Variants in MED23 observed in about 807,000 individuals in gnomAD.
MED23 encodes the protein mediator of RNA polymerase II transcription subunit 23.
A neutral mutation model predicts 163.9 loss-of-function variants in MED23; 105 were observed. The ratio of observed to expected loss-of-function variants is 0.64; its 90% CI spans 0.55 to 0.75. MED23 has a LOEUF of 0.75. Ranked by LOEUF, MED23 falls within the 30% of genes least tolerant of loss-of-function variation. MED23 has a pLI of 0.00. For synonymous variants in MED23, 561 were observed against 565.6 expected, an observed-to-expected ratio of 0.99 and a Z score of 0.12; for missense variants, 1,054 against 1,649.0, an observed-to-expected ratio of 0.64 and a Z score of 6.25.
At chr6:131,586,152 T>C (rs528079823), downstream of MED23, among the ~76,000 whole-genome samples, 1 of 152,244 alleles carries the variant, frequency 6.6e-6, no homozygotes, top group East Asian at 1.9e-4. Context: ...TCCCAGCACT[T>C]TGGGAGGCTG....
rs1313074610 is a variant in MED23 at position 131,619,882 on chromosome 6, T to C, written c.612A>G (p.Leu204=). The C allele has an allele frequency of 1.2e-6, 2 of 1,610,740 alleles. No homozygotes were observed. Among genetic ancestry groups the C allele is most frequent in the Non-Finnish European group, 1.7e-6 (2 of 1,177,480 alleles). The stretch of plus-strand genomic sequence containing the variant: ...TGAAGGTATCCACAAAGTCTGATAC[T>C]AGGTTTCCAAGTAACTAAAGAGAGA... The part of the protein sequence containing the change: ...GKLPHWLLGN[L]VSDFVDTFRP... The change falls in exon 8 of 29, where the codon CTA becomes CTG. Residue 204 remains leucine, a synonymous_variant. Transcript: ENST00000368068.
At chr6:131,592,169 C>G (rs1259931063) in intron 25 of MED23, among the ~76,000 whole-genome samples, 1 of 152,138 alleles carries the variant, frequency 6.6e-6, no homozygotes, top group Non-Finnish European at 1.5e-5. Context: ...ACCCGTAAGT[C>G]ACATAGATAT....
In MED23 at chr6:131,596,112, G is replaced by C; in HGVS notation, c.2830C>G (p.Pro944Ala). 6.2e-7 allele frequency: 1 copy of C among 1,614,138 alleles called. No individual in the cohort carries two copies. The highest frequency in any genetic ancestry group is 8.5e-7 in the Non-Finnish European group (1 of 1,180,010). Residue 944 changes from proline (P) to alanine (A), a missense_variant, in exon 22 of 29, where the codon CCT (proline) becomes GCT (alanine). Coordinates refer to ENST00000368068, the MANE Select transcript of MED23 (RefSeq NM_004830.4). Reference protein sequence around the residue: ...FEGLAEQVDPPVQIQSPYLPI... With the variant: ...FEGLAEQVDPAVQIQSPYLPI... ...AGATAGGGAGACTGGATCTGTACAGGAGGATCCACCTGTTCCGCGAGGCCC... is the reference window on the plus strand; with the variant it reads ...AGATAGGGAGACTGGATCTGTACAGCAGGATCCACCTGTTCCGCGAGGCCC...
Position 131,591,515 on chromosome 6 carries a change from T to A in MED23, c.3484A>T (p.Ile1162Phe), listed in dbSNP as rs1225945957. 1 of 1,612,662 alleles carries A rather than the reference T, an allele frequency of 6.2e-7. No individual in the cohort carries two copies. The highest frequency in any genetic ancestry group is 1.3e-5 in the African/African-American group (1 of 74,880). Residue 1162 changes from isoleucine to phenylalanine, a missense_variant, in exon 26 of 29, where the codon ATT becomes TTT. By Grantham distance (21) the Ile-to-Phe change is conservative. Coordinates refer to ENST00000368068, the MANE Select transcript of MED23 (RefSeq NM_004830.4). ...IITALPEPYWIVLHDRIVSVI... is the reference protein window; with the variant it reads ...IITALPEPYWFVLHDRIVSVI... Reference sequence around the variant, plus strand: ...CTCACAATTCGATCATGAAGAACAATCCAATATGGCTCCTTTAAAATCGGA... The same window carrying A: ...CTCACAATTCGATCATGAAGAACAAACCAATATGGCTCCTTTAAAATCGGA...
Position 131,596,170 on chromosome 6 carries a change from A to G in MED23, c.2779-7T>C, listed in dbSNP as rs1389737229. 10 of 1,611,270 alleles carry G rather than the reference A, an allele frequency of 6.2e-6. No homozygotes were observed. The Admixed American group carries it at 1.7e-4, about 27-fold the overall frequency. ...ACAACTTCTCTGGATATTTCTGTGGAATTGAGAAGATGATAAATGGTTAGA... is the reference window on the plus strand; with the variant it reads ...ACAACTTCTCTGGATATTTCTGTGGGATTGAGAAGATGATAAATGGTTAGA... On this transcript the variant is annotated splice_region_variant and splice_polypyrimidine_tract_variant and intron_variant, in intron 21 of 28. Coordinates refer to ENST00000368068, the MANE Select transcript of MED23 (RefSeq NM_004830.4).
intron 8 of MED23, among the ~76,000 whole-genome samples, chr6:131,618,911 A>G (rs114144463): frequency 0.011 from 1,726 of 152,366 alleles, 41 homozygotes; most frequent in African/African-American, 0.039. Flanking sequence ...AATATTTACT[A>G]CATGGCCCTT....
chr6:131,627,089 G>C lies in MED23; in HGVS notation c.159+307C>G, dbSNP rs924450464. On this transcript the variant is annotated intron_variant, in intron 3 of 28. Coordinates refer to ENST00000368068, the MANE Select transcript of MED23 (RefSeq NM_004830.4). Reference sequence around the variant, plus strand: ...TTGACAAGTAAAGCTTAACATATCTGTTTTCAAGTGTACCAAATAAATCCG... The same window carrying C: ...TTGACAAGTAAAGCTTAACATATCTCTTTTCAAGTGTACCAAATAAATCCG... 1.7e-5 allele frequency: 5 copies of C among 296,176 alleles called. No individual in the cohort carries two copies. The South Asian group carries it at 3.0e-4, about 18-fold the overall frequency. 18.3% of individuals were successfully genotyped at this position (296,176 alleles called of 1,614,324 possible). A position where few individuals can be genotyped will look rare whatever the true frequency, so the allele number is the denominator to read the frequency against.
chr6:131,599,468 C>T (rs1775307782), intron 18 of MED23, among the ~76,000 whole-genome samples: 1 of 152,194 alleles, frequency 6.6e-6, no homozygotes, highest in Non-Finnish European at 1.5e-5. Flanking sequence ...ATTACGCACA[C>T]TCTGTGAAGC....
rs757762475 is a variant in MED23, at chr6:131,581,342, A to G, written c.4095+6367T>C. On this transcript the variant is annotated intron_variant, in intron 30 of 30. Transcript: ENST00000354577. ...CCACAAGTGGAAACTTGCATGGACA[A>G]CCTGTATCTTTCCTCCTGAAGGAAC... 1.2e-6 allele frequency: 2 copies of G among 1,613,856 alleles called. No individual in the cohort carries two copies. Among genetic ancestry groups the G allele is most frequent in the Non-Finnish European group, 1.7e-6 (2 of 1,179,840 alleles).
At chr6:131,595,252 G>T (rs1774962532) in intron 22 of MED23, among the ~76,000 whole-genome samples, 1 of 152,168 alleles carries the variant, frequency 6.6e-6, no homozygotes, top group South Asian at 2.1e-4. Context: ...ATCAAGTCCT[G>T]TTCCTTCTTT....
At chr6:131,605,156 C>T (rs1263044066) in intron 14 of MED23, 84 bp downstream of exon 14, 42 of 1,413,514 alleles carry the variant, frequency 3.0e-5, no homozygotes, top group Middle Eastern at 3.5e-4. Flanking sequence ...TGAAATAATA[C>T]GCACATAAAA....
At chr6:131,623,226 C>T (rs1015738226) in intron 5 of MED23, 125 bp downstream of exon 5, 2 of 828,436 alleles carry the variant, frequency 2.4e-6, no homozygotes, top group Middle Eastern at 2.4e-4. Context: ...AGGAAATATA[C>T]CACAAGAAAT....
At chr6:131,580,749 A>C (rs1773878451) in intron 30 of MED23, among the ~76,000 whole-genome samples, 2 of 145,570 alleles carry the variant, frequency 1.4e-5, no homozygotes, top group African/African-American at 5.4e-5. Context: ...TGATGCTCTC[A>C]AATTATAAAA....
At chr6:131,628,267 T>A (rs1455642859), upstream of MED23, 8 of 581,652 alleles carry the variant, frequency 1.4e-5, no homozygotes, top group Admixed American at 2.9e-5. Flanking sequence ...ACGCGCCGTT[T>A]GCAAACCCCG....
chr6:131,625,877 C>T (rs1261820147), intron 3 of MED23, among the ~76,000 whole-genome samples: 2 of 151,804 alleles, frequency 1.3e-5, no homozygotes, highest in African/African-American at 4.8e-5. Flanking sequence ...AATCCCAGCA[C>T]TTTGGGAGGC....
rs544798219 is a variant in MED23, at chr6:131,578,899, C to G, written c.4096-4604G>C. Among the ~76,000 whole-genome samples, 14 of 152,154 alleles carry G rather than the reference C, an allele frequency of 9.2e-5. No homozygotes were observed. The South Asian group carries it at 2.7e-3, about 29-fold the overall frequency. ...ATTCAAGAAGTGTTCACTGAGAGCC[C>G]AGTATACAGCCGCACCAGTGTGTGA... On this transcript the variant is annotated intron_variant, in intron 30 of 30. Coordinates refer to the MED23 transcript ENST00000354577.
At chr6:131,599,769 G>T (rs532778174) in intron 18 of MED23, among the ~76,000 whole-genome samples, 1 of 151,208 alleles carries the variant, frequency 6.6e-6, no homozygotes, top group East Asian at 1.9e-4. Context: ...TACAGACAGG[G>T]TCTGGCTCTG....
At chr6:131,613,706 T>C (rs1359000279) in intron 10 of MED23, among the ~76,000 whole-genome samples, 1 of 152,234 alleles carries the variant, frequency 6.6e-6, no homozygotes, top group Non-Finnish European at 1.5e-5. Context: ...ATGTTTACAC[T>C]ACAGTGGTAC....
chr6:131,606,686 T>G (rs541060137), intron 12 of MED23, 62 bp from the exon 13 acceptor site: 24 of 1,347,174 alleles, frequency 1.8e-5, no homozygotes, highest in East Asian at 7.5e-5. Context: ...AATAATTATG[T>G]GTATTTTAGT....
Sources: allele counts gnomAD v4.1 joint callset (sites outside exome capture counted in the v4.1 genomes callset), GRCh38; gene constraint gnomAD v4.1.1; transcripts MANE v1.5; gene names NCBI Gene and HGNC (gene_info 2026-07-23, HGNC 2026-07-21).